The following INSRR variants were observed in gnomAD, a reference collection of about 807,000 sequenced individuals.
The protein encoded by INSRR is insulin receptor related receptor.
Under a neutral mutation model 130.0 loss-of-function variants are expected in INSRR, and 114 were observed. That is an observed-to-expected ratio of 0.88 (90% CI 0.75 to 1.02). The LOEUF is 1.02. INSRR is among the 50% of genes least tolerant of loss of function. INSRR has a pLI of 0.00. For missense variants in INSRR, 1,657 were observed against 1,735.2 expected, an observed-to-expected ratio of 0.95 and a Z score of 0.80; for synonymous variants, 674 against 705.2, an observed-to-expected ratio of 0.96 and a Z score of 0.70.
chr1:156,843,533 C>T, intron 15 of INSRR, 54 bp from the exon 16 acceptor site: 5 of 1,533,602 alleles, frequency 3.3e-6, no homozygotes, highest in Non-Finnish European at 4.5e-6. Context: ...AAGGAATGAG[C>T]AACATCAGAA....
intron 4 of INSRR, 104 bp from the exon 5 acceptor site, chr1:156,851,538 G>C: frequency 6.2e-7 from 1 of 1,604,442 alleles, no homozygotes; most frequent in Non-Finnish European, 8.5e-7. Context: ...CTCAGGACTG[G>C]GACCCAGGAT....
Position 156,843,160 on chromosome 1 carries a change from A to T in INSRR, c.2970T>A (p.Phe990Leu). The change falls in exon 17 of 22, where the codon TTT becomes TTA. Residue 990 changes from phenylalanine to leucine, a missense_variant. Transcript: ENST00000368195. ...SIIRELGQGS[F>L]GMVYEGLARG... ...GTGCCAGCCCCTCATATACCATCCC[A>T]AAAGAGCCCTGGCCCAGTTCCCGGA... The T allele has an allele frequency of 1.2e-6, 2 of 1,613,978 alleles. No homozygotes were observed.
At chr1:156,851,617 AG>A in intron 4 of INSRR, 28 bp downstream of exon 4, 2 of 1,613,968 alleles carry the variant, frequency 1.2e-6, no homozygotes, top group Admixed American at 1.7e-5. Context: ...GACCAGGAGG[AG>A]GGGTGTGGCC....
chr1:156,843,879 C>G (rs548929818), intron 15 of INSRR, among the ~76,000 whole-genome samples: 1 of 152,328 alleles, frequency 6.6e-6, no homozygotes, highest in South Asian at 2.1e-4. Context: ...TGCACAAACT[C>G]TCACACCTGA....
chr1:156,844,867 C>G, intron 12 of INSRR, 24 bp from the exon 13 acceptor site: 1 of 1,613,144 alleles, frequency 6.2e-7, no homozygotes, highest in South Asian at 1.1e-5. Flanking sequence ...CATCCAGCAG[C>G]CGGGCCAAAA....
chr1:156,851,982 G>A lies in INSRR; in HGVS notation c.847C>T (p.Leu283=), dbSNP rs71630638. ...GAGGCACGGCCGGGCACAGAGTGCAGGCTGGCACAGCGCTCAGCTGTGACA... is the reference window on the plus strand; with the variant it reads ...GAGGCACGGCCGGGCACAGAGTGCAAGCTGGCACAGCGCTCAGCTGTGACA... ...RCVTAERCAS[L]HSVPGRASTF... is the part of the protein sequence containing the mutation. Residue 283 remains leucine, a synonymous_variant, in exon 3 of 22, where the codon CTG becomes TTG. Coordinates refer to ENST00000368195, the MANE Select transcript of INSRR (RefSeq NM_014215.3). 6.2e-7 allele frequency: 1 copy of A among 1,610,968 alleles called. No homozygotes were observed. Among genetic ancestry groups the A allele is most frequent in the Non-Finnish European group, 8.5e-7 (1 of 1,177,802 alleles).
Position 156,849,602 on chromosome 1 carries a change from G to A in INSRR, c.1230-142C>T, listed in dbSNP as rs944559452. ...AGTGGCTGGCTCACACCAGCACACC[G>A]GGGGCATTCGTGCATACCCACTCTG... On this transcript the variant is annotated intron_variant, in intron 5 of 21. Transcript: ENST00000368195. The A allele has an allele frequency of 5.0e-5, 32 of 642,746 alleles. No homozygotes were observed. In the East Asian group the frequency reaches 5.2e-4, roughly 10 times the overall value. 39.8% of individuals were successfully genotyped at this position (642,746 alleles called of 1,614,324 possible). A position where few individuals can be genotyped will look rare whatever the true frequency, so the allele number is the denominator to read the frequency against.
Position 156,841,808 on chromosome 1 carries a change from G to C in INSRR, c.3398-14C>G. 1 of 1,614,140 alleles carries C rather than the reference G, an allele frequency of 6.2e-7. No individual in the cohort carries two copies. The highest frequency in any genetic ancestry group is 8.5e-7 in the Non-Finnish European group (1 of 1,180,006). ...TCATCCCGAAGTCTGGAAAGTGAGG[G>C]TGAGGGTGGAGGAGGTGTGGGGCAT... is the stretch of plus-strand genomic sequence containing the variant. On this transcript the variant is annotated splice_polypyrimidine_tract_variant and intron_variant, in intron 19 of 21. Coordinates refer to ENST00000368195, the MANE Select transcript of INSRR (RefSeq NM_014215.3).
intron 21 of INSRR, 80 bp from the exon 22 acceptor site, chr1:156,841,184 G>T: frequency 1.7e-6 from 2 of 1,155,748 alleles, no homozygotes; most frequent in Non-Finnish European, 2.5e-6. Context: ...AGGGTCAGTT[G>T]GTGGGAGTGG....
In INSRR at chr1:156,846,516, T is replaced by TTC. The variant is rs1655014726; in HGVS notation, c.1810+2_1810+3insGA. On this transcript the variant is annotated splice_region_variant and intron_variant, in intron 8 of 21. Transcript: ENST00000368195. ...CTGACTCTTGCACCCTCCAAATGCC[T>TTC]ACCTGCAGGCAGCGTTCGGAGGTAG... The TTC allele has an allele frequency of 6.2e-7, 1 of 1,611,038 alleles. No individual in the cohort carries two copies. The highest frequency in any genetic ancestry group is 8.5e-7 in the Non-Finnish European group (1 of 1,177,434).
intron 15 of INSRR, 97 bp downstream of exon 15, chr1:156,844,078 C>A: frequency 3.5e-6 from 3 of 851,564 alleles, no homozygotes; most frequent in Non-Finnish European, 1.9e-6. Context: ...GTATGGAAGA[C>A]CTGTCTTTCT....
At chr1:156,858,503 G>T in intron 1 of INSRR, 34 bp downstream of exon 1, 1 of 1,563,388 alleles carries the variant, frequency 6.4e-7, no homozygotes, top group Non-Finnish European at 8.8e-7. Context: ...CTGGGAGGGA[G>T]GTAGGGGTCT....
In INSRR at chr1:156,858,646, G is replaced by T; in HGVS notation, c.-25C>A. 2.5e-6 allele frequency: 4 copies of T among 1,601,992 alleles called. No homozygotes were observed. Among genetic ancestry groups the T allele is most frequent in the Non-Finnish European group, 3.4e-6 (4 of 1,168,976 alleles). On this transcript the variant is annotated 5_prime_UTR_variant, in exon 1 of 22. In the 5' UTR this introduces an upstream ATG that the reference lacks. Transcript: ENST00000368195. ...TTGTCCCAGCCCTGGCTTGTGTCCAGTCCCGGCTCTCCTCCCGGTGACTCT... is the reference window on the plus strand; with the variant it reads ...TTGTCCCAGCCCTGGCTTGTGTCCATTCCCGGCTCTCCTCCCGGTGACTCT...
Position 156,845,158 on chromosome 1 carries a change from GATCCGGT to G in INSRR, c.2348_2354del (p.Tyr783SerfsTer172). 6.2e-7 allele frequency: 1 copy of G among 1,611,694 alleles called. No individual in the cohort carries two copies. The highest frequency in any genetic ancestry group is 8.5e-7 in the Non-Finnish European group (1 of 1,179,266). ...CCGCGTGGTTGCAGGCATGGATGTC[GATCCGGT>G]ATTCCGTGAAGTGGCGCAGGCCGCT... On this transcript the variant is annotated frameshift_variant, in exon 12 of 22. Transcript: ENST00000368195. LOFTEE classifies it high-confidence loss of function.
At chr1:156,851,525 GC>G in intron 4 of INSRR, 91 bp from the exon 5 acceptor site, 1 of 1,601,916 alleles carries the variant, frequency 6.2e-7, no homozygotes. Flanking sequence ...GGGAAGGTGG[GC>G]CCTCAGGACT....
At chr1:156,856,447 GT>G (rs1655407307) in intron 1 of INSRR, among the ~76,000 whole-genome samples, 2 of 152,212 alleles carry the variant, frequency 1.3e-5, no homozygotes, top group African/African-American at 4.8e-5. Flanking sequence ...AAAGATTCAA[GT>G]TTCAGTTCCT....
intron 5 of INSRR, 41 bp from the exon 6 acceptor site, chr1:156,849,501 GGC>G: frequency 7.8e-7 from 1 of 1,277,882 alleles, no homozygotes; most frequent in Admixed American, 1.7e-5. Flanking sequence ...GGGAGGTGGG[GGC>G]AGGGGGTGGG....
intron 19 of INSRR, 50 bp from the exon 20 acceptor site, chr1:156,841,844 C>G: frequency 1.2e-6 from 2 of 1,613,974 alleles, no homozygotes; most frequent in Non-Finnish European, 8.5e-7. Context: ...AAGAGCCACG[C>G]ACTAGCTCCT....
At position 156,851,690 on chromosome 1, in the gene INSRR, C is replaced by T; in HGVS notation, c.1040G>A (p.Cys347Tyr). 4 of 1,614,184 alleles carry T rather than the reference C, an allele frequency of 2.5e-6. No homozygotes were observed. The highest frequency in any genetic ancestry group is 3.4e-6 in the Non-Finnish European group (4 of 1,179,994). ...SIQAAQDLVGCTHVEGSLILN... is the reference protein window; with the variant it reads ...SIQAAQDLVGYTHVEGSLILN... ...GATGAGGCTTCCCTCCACATGCGTG[C>T]AGCCCACAAGATCCTGTGCCGCCTG... The change falls in exon 4 of 22, where the codon TGC becomes TAC. Residue 347 changes from cysteine (C) to tyrosine (Y), a missense_variant. Coordinates refer to ENST00000368195, the MANE Select transcript of INSRR (RefSeq NM_014215.3).
Sources: allele counts gnomAD v4.1 joint callset (sites outside exome capture counted in the v4.1 genomes callset), GRCh38; gene constraint gnomAD v4.1.1; transcripts MANE v1.5; gene names NCBI Gene and HGNC (gene_info 2026-07-23, HGNC 2026-07-21).